The following BRD1 variants were observed in gnomAD, a reference collection of about 807,000 sequenced individuals.
BRD1 encodes bromodomain-containing protein 1.
A neutral mutation model predicts 107.7 loss-of-function variants in BRD1; 24 were observed. The ratio of observed to expected loss-of-function variants is 0.22; its 90% CI spans 0.16 to 0.31. The LOEUF is 0.31. BRD1 is among the 10% of genes least tolerant of loss of function. The pLI, the probability that BRD1 is intolerant of heterozygous loss-of-function variation, is 1.00. For missense variants in BRD1, 1,279 were observed against 1,638.6 expected, an observed-to-expected ratio of 0.78 and a Z score of 3.79; for synonymous variants, 744 against 686.1, an observed-to-expected ratio of 1.08 and a Z score of -1.32.
At chr22:49,812,862 G>A (rs1053836818) in intron 2 of BRD1, among the ~76,000 whole-genome samples, 1 of 152,120 alleles carries the variant, frequency 6.6e-6, no homozygotes, top group Non-Finnish European at 1.5e-5. Flanking sequence ...CTGGAGACAA[G>A]GTGCCGCCCA....
chr22:49,774,555 T>A lies in BRD1; in HGVS notation c.3387-139A>T, dbSNP rs1250210162. ...GCACCACCAAGACAGCTGGGCCCCGTGCAGGGACAGGCCCGAGGCCAGGAG... is the reference window on the plus strand; with the variant it reads ...GCACCACCAAGACAGCTGGGCCCCGAGCAGGGACAGGCCCGAGGCCAGGAG... On this transcript the variant is annotated intron_variant, in intron 12 of 12. Coordinates refer to ENST00000404760, the MANE Select transcript of BRD1 (RefSeq NM_001304808.3). 8 of 970,548 alleles carry A rather than the reference T, an allele frequency of 8.2e-6. No homozygotes were observed. In the East Asian group the frequency reaches 1.5e-4, roughly 19 times the overall value. 60.1% of individuals were successfully genotyped at this position (970,548 alleles called of 1,614,324 possible).
chr22:49,823,912 GCCT>G lies in BRD1; in HGVS notation c.403_405del (p.Arg135del), dbSNP rs746136274. On this transcript the variant is annotated inframe_deletion, in exon 2 of 13. Coordinates refer to ENST00000404760, the MANE Select transcript of BRD1 (RefSeq NM_001304808.3). Reference sequence around the variant, plus strand: ...TCGATGAACTTGTAGTACACAGGAGGCCTCCTGGGGGCGGACGGAGGGCTGTAC... The same window carrying G: ...TCGATGAACTTGTAGTACACAGGAGGCCTGGGGGCGGACGGAGGGCTGTAC... 6.2e-7 allele frequency: 1 copy of G among 1,614,210 alleles called. No individual in the cohort carries two copies. Among genetic ancestry groups the G allele is most frequent in the African/African-American group, 1.3e-5 (1 of 75,058 alleles).
At chr22:49,778,312 A>G (rs2059139739) in intron 8 of BRD1, among the ~76,000 whole-genome samples, 1 of 152,190 alleles carries the variant, frequency 6.6e-6, no homozygotes, top group African/African-American at 2.4e-5. Context: ...AAAAGAAAAA[A>G]CCTTGGTTCA....
chr22:49,788,649 C>T (rs2059374554), intron 7 of BRD1, among the ~76,000 whole-genome samples: 1 of 152,196 alleles, frequency 6.6e-6, no homozygotes, highest in African/African-American at 2.4e-5. Context: ...GTCTGTGGGG[C>T]TCTGTGCACT....
At chr22:49,809,514 C>T (rs2059809220) in intron 2 of BRD1, among the ~76,000 whole-genome samples, 1 of 151,494 alleles carries the variant, frequency 6.6e-6, no homozygotes, top group Non-Finnish European at 1.5e-5. Context: ...GCACTCCAGC[C>T]TGGGTGACGG....
Position 49,787,537 on chromosome 22 carries a change from G to T in BRD1, c.2710C>A (p.Pro904Thr). ...PKSAKNTETQPTSPQLGTKTF... is the reference protein window; with the variant it reads ...PKSAKNTETQTTSPQLGTKTF... ...TTGGTCCCTAGCTGAGGAGAAGTTG[G>T]CTGGGTTTCAGTGTTCTTGGCAGAC... is the stretch of plus-strand genomic sequence containing the variant. The change falls in exon 8 of 13, where the codon CCA (proline) becomes ACA (threonine). Residue 904 changes from proline to threonine, a missense_variant. Pro to Thr is a conservative substitution (Grantham distance 38, BLOSUM62 -1). Transcript: ENST00000404760. The T allele has an allele frequency of 1.9e-6, 3 of 1,609,144 alleles. No homozygotes were observed. The highest frequency in any genetic ancestry group is 2.5e-6 in the Non-Finnish European group (3 of 1,177,632).
intron 2 of BRD1, among the ~76,000 whole-genome samples, chr22:49,813,035 C>A (rs943147971): frequency 6.6e-6 from 1 of 152,164 alleles, no homozygotes; most frequent in Non-Finnish European, 1.5e-5. Context: ...GGCTCACAAC[C>A]CAGATGACTC....
At chr22:49,776,187 A>G (rs753955597) in intron 10 of BRD1, 28 bp from the exon 11 acceptor site, 63 of 1,582,898 alleles carry the variant, frequency 4.0e-5, no homozygotes, top group Non-Finnish European at 5.1e-5. Context: ...AGCAGGACAC[A>G]GGCGTCAGCA....
At chr22:49,786,132 G>A (rs1477501470) in intron 8 of BRD1, among the ~76,000 whole-genome samples, 1 of 151,706 alleles carries the variant, frequency 6.6e-6, no homozygotes, top group African/African-American at 2.4e-5. Flanking sequence ...ACAGCCAGGA[G>A]AAAATGCGCA....
intron 2 of BRD1, among the ~76,000 whole-genome samples, chr22:49,819,947 T>C (rs981251735): frequency 6.6e-6 from 1 of 151,682 alleles, no homozygotes; most frequent in African/African-American, 2.4e-5. Context: ...CTGGCCAACA[T>C]GGTGAAACCC....
intron 1 of BRD1, among the ~76,000 whole-genome samples, chr22:49,827,048 G>A (rs1287120287): frequency 6.6e-6 from 1 of 151,996 alleles, no homozygotes; most frequent in Non-Finnish European, 1.5e-5. Flanking sequence ...GCGCGTCCCT[G>A]CTCACAGGGA....
At chr22:49,807,047 G>A (rs1404223755) in intron 2 of BRD1, 2 of 150,524 alleles carry the variant, frequency 1.3e-5, no homozygotes, top group Non-Finnish European at 2.9e-5. Flanking sequence ...CCCCGGAAAT[G>A]AGGGAGGTCA....
At chr22:49,790,560 A>C in intron 7 of BRD1, among the ~76,000 whole-genome samples, 1 of 152,222 alleles carries the variant, frequency 6.6e-6, no homozygotes, top group African/African-American at 2.4e-5. Context: ...TAAGAAACTA[A>C]AACCTAGTTA....
In BRD1 at chr22:49,823,754, G is replaced by A. The variant is rs1341307975; in HGVS notation, c.564C>T (p.Phe188=). The change falls in exon 2 of 13, where the codon TTC becomes TTT. Residue 188 remains phenylalanine, a synonymous_variant. Transcript: ENST00000404760. ...ACTCCTTCTCGAAGCGGTCCATCAG[G>A]AACTCAAACATGCTCTGCGACACGG... is the stretch of plus-strand genomic sequence containing the variant. ...VPAVSQSMFE[F]LMDRFEKESH... 27 of 1,614,162 alleles carry A rather than the reference G, an allele frequency of 1.7e-5. No individual in the cohort carries two copies. The highest frequency in any genetic ancestry group is 2.3e-5 in the Non-Finnish European group (27 of 1,180,042).
chr22:49,779,854 C>A (rs1442456160), intron 8 of BRD1, among the ~76,000 whole-genome samples: 2 of 152,114 alleles, frequency 1.3e-5, no homozygotes, highest in African/African-American at 2.4e-5. Context: ...GGACGGAGCC[C>A]AGCACCCCTG....
In BRD1 at chr22:49,823,090, C is replaced by G. The variant is rs544881036; in HGVS notation, c.1228G>C (p.Val410Leu). The change falls in exon 2 of 13, where the codon GTC (valine) becomes CTC (leucine). Residue 410 changes from valine (V) to leucine (L), a missense_variant. Around this residue, in one of 7 missense-constraint regions of BRD1, gnomAD observed 158 missense variants for 310.2 expected, o/e 0.51. Transcript: ENST00000404760. ...TTAACCGAGCTCTCTTTTCGACAGA[C>G]GCCATTTTTCATTTCGACATCCCCG... ...IYGDVEMKNG[V>L]CRKESSVKTV... 6.2e-7 allele frequency: 1 copy of G among 1,614,120 alleles called. No homozygotes were observed. The highest frequency in any genetic ancestry group is 8.5e-7 in the Non-Finnish European group (1 of 1,180,046).
At chr22:49,775,399 C>A in intron 12 of BRD1, 192 bp downstream of exon 12, 1 of 485,462 alleles carries the variant, frequency 2.1e-6, no homozygotes, top group Non-Finnish European at 3.4e-6. Flanking sequence ...AGTGCCCGTC[C>A]CACAGTCCCG....
chr22:49,779,678 G>A (rs2059166914), intron 8 of BRD1, among the ~76,000 whole-genome samples: 1 of 152,110 alleles, frequency 6.6e-6, no homozygotes, highest in Non-Finnish European at 1.5e-5. Flanking sequence ...ACTCATCACA[G>A]AGTGGGCTCA....
At chr22:49,776,027 G>A (rs748888951) in intron 11 of BRD1, 23 bp downstream of exon 11, 7 of 1,476,718 alleles carry the variant, frequency 4.7e-6, no homozygotes, top group East Asian at 4.7e-5. Context: ...TGGACCCGCA[G>A]GCGCCACGAG....
Sources: allele counts gnomAD v4.1 joint callset (sites outside exome capture counted in the v4.1 genomes callset), GRCh38; gene constraint gnomAD v4.1.1; regional missense constraint gnomAD v4.1.1; transcripts MANE v1.5; gene names NCBI Gene and HGNC (gene_info 2026-07-23, HGNC 2026-07-21).